PRKCE: variants seen among roughly 807,000 people sequenced by gnomAD.
The protein encoded by PRKCE is protein kinase C epsilon, also known as protein kinase C epsilon type.
A neutral mutation model predicts 85.4 loss-of-function variants in PRKCE; 16 were observed. That is an observed-to-expected ratio of 0.19 (90% CI 0.13 to 0.28). The LOEUF is 0.28. Ranked by LOEUF, PRKCE falls within the 10% of genes least tolerant of loss-of-function variation. The probability of loss-of-function intolerance (pLI) is 1.00; values close to 1 mark genes in which losing one functional copy is unlikely to be tolerated. For missense variants in PRKCE, 573 were observed against 975.2 expected, an observed-to-expected ratio of 0.59 and a Z score of 5.49; for synonymous variants, 388 against 371.5, an observed-to-expected ratio of 1.04 and a Z score of -0.51.
chr2:45,994,017 G>C (rs947458729), intron 6 of PRKCE, among the ~76,000 whole-genome samples: 1 of 152,006 alleles, frequency 6.6e-6, no homozygotes, highest in African/African-American at 2.4e-5. Context: ...GGTCTGGGGG[G>C]GCTCTCTCCA....
intron 10 of PRKCE, among the ~76,000 whole-genome samples, chr2:46,013,500 A>G (rs570368736): frequency 1.3e-4 from 20 of 152,288 alleles, no homozygotes; most frequent in African/African-American, 4.8e-4. Flanking sequence ...TTTGAAAGGT[A>G]GAGAGGATTT....
rs889167322 is a variant in PRKCE at position 46,166,228 on chromosome 2, C to T, written c.2067+6476C>T. On this transcript the variant is annotated intron_variant, in intron 14 of 14. Transcript: ENST00000306156. ...AGCCCTGTTGAACAGGCAGCCCCTTCCCCTGAAGCCAGCCCACCTGCCTAG... is the reference window on the plus strand; with the variant it reads ...AGCCCTGTTGAACAGGCAGCCCCTTTCCCTGAAGCCAGCCCACCTGCCTAG... 3.9e-4 allele frequency among the ~76,000 whole-genome samples: 59 copies of T among 152,348 alleles called. 1 individual carries two copies. The highest frequency in any genetic ancestry group is 7.5e-4 in the African/African-American group (31 of 41,590).
intron 10 of PRKCE, among the ~76,000 whole-genome samples, chr2:46,042,983 G>A (rs1249019622): frequency 6.6e-6 from 1 of 152,174 alleles, no homozygotes; most frequent in Non-Finnish European, 1.5e-5. Context: ...TAGAATTGTG[G>A]TAGTTTCCTG....
intron 2 of PRKCE, among the ~76,000 whole-genome samples, chr2:45,904,271 A>T (rs1360563097): frequency 1.3e-5 from 2 of 152,208 alleles, no homozygotes; most frequent in Non-Finnish European, 2.9e-5. Context: ...ACAGTTTCTT[A>T]GAAAGAAGCC....
chr2:45,716,444 G>A (rs1489338358), intron 1 of PRKCE, among the ~76,000 whole-genome samples: 1 of 152,002 alleles, frequency 6.6e-6, no homozygotes, highest in East Asian at 1.9e-4. Context: ...TTGAACTTAG[G>A]AAGCAGAAGT....
rs143463420 is a variant in PRKCE, at chr2:45,838,641, C to G, written c.349-4359C>G. Reference sequence around the variant, plus strand: ...TACCTTAGTTAAAAAAAAATGTTTTCAGAGACAGGATCTCACTTGTCACCC... The same window carrying G: ...TACCTTAGTTAAAAAAAAATGTTTTGAGAGACAGGATCTCACTTGTCACCC... On this transcript the variant is annotated intron_variant, in intron 1 of 14. Coordinates refer to ENST00000306156, the MANE Select transcript of PRKCE (RefSeq NM_005400.3). Among the ~76,000 whole-genome samples the G allele has an allele frequency of 1.6e-3, 236 of 152,148 alleles. 2 individuals are homozygous for G. Among genetic ancestry groups the G allele is most frequent in the Middle Eastern group, 0.014 (4 of 294 alleles).
intron 11 of PRKCE, among the ~76,000 whole-genome samples, chr2:46,093,634 T>G (rs114882377): frequency 0.01 from 1,582 of 151,796 alleles, 32 homozygotes; most frequent in African/African-American, 0.036. Flanking sequence ...ATTTGAGCAA[T>G]CCTCTCACCT....
At chr2:46,036,757 C>T (rs1029105587) in intron 10 of PRKCE, among the ~76,000 whole-genome samples, 2 of 152,124 alleles carry the variant, frequency 1.3e-5, no homozygotes, top group East Asian at 1.9e-4. Context: ...GAGAAGGACA[C>T]TGCAAGCCCG....
At chr2:46,043,908 T>TGCC (rs1558387632) in intron 10 of PRKCE, among the ~76,000 whole-genome samples, 2 of 152,236 alleles carry the variant, frequency 1.3e-5, no homozygotes, top group East Asian at 1.9e-4. Context: ...TCAAAGCGGA[T>TGCC]GCCGAATTCT....
Position 45,928,380 on chromosome 2 carries a change from G to C in PRKCE, c.413-48049G>C, listed in dbSNP as rs181871207. Reference sequence around the variant, plus strand: ...CCTCGCGGGTTGAAGCAATTCTCATGCCTCAGCTTCCCGAGTAGCTGGGAT... The same window carrying C: ...CCTCGCGGGTTGAAGCAATTCTCATCCCTCAGCTTCCCGAGTAGCTGGGAT... On this transcript the variant is annotated intron_variant, in intron 2 of 14. Coordinates refer to ENST00000306156, the MANE Select transcript of PRKCE (RefSeq NM_005400.3). Among the ~76,000 whole-genome samples the C allele has an allele frequency of 1.3e-3, 198 of 152,350 alleles. 1 individual carries two copies. The highest frequency in any genetic ancestry group is 4.5e-3 in the African/African-American group (187 of 41,574).
chr2:45,823,474 CAG>C, intron 1 of PRKCE, among the ~76,000 whole-genome samples: 1 of 152,200 alleles, frequency 6.6e-6, no homozygotes, highest in Non-Finnish European at 1.5e-5. Context: ...ATTAAAGAAT[CAG>C]AGAGTGACTT....
chr2:46,150,546 A>G (rs1676521412), intron 12 of PRKCE, among the ~76,000 whole-genome samples: 1 of 152,216 alleles, frequency 6.6e-6, no homozygotes, highest in South Asian at 2.1e-4. Context: ...CCAGGAGCAC[A>G]GGGCTCAGGT....
At chr2:45,880,454 G>C (rs535519013) in intron 2 of PRKCE, among the ~76,000 whole-genome samples, 1 of 152,274 alleles carries the variant, frequency 6.6e-6, no homozygotes, top group African/African-American at 2.4e-5. Flanking sequence ...GACTCACTTT[G>C]AATGTCACCT....
chr2:46,119,372 T>G (rs1673094431), intron 11 of PRKCE, among the ~76,000 whole-genome samples: 1 of 152,188 alleles, frequency 6.6e-6, no homozygotes, highest in Non-Finnish European at 1.5e-5. Context: ...GGGCATTCTT[T>G]ACTCTAGCTA....
intron 10 of PRKCE, among the ~76,000 whole-genome samples, chr2:46,024,324 C>A (rs1574264167): frequency 7.2e-6 from 1 of 138,706 alleles, no homozygotes; most frequent in South Asian, 2.2e-4. Flanking sequence ...TTTTTTTTTG[C>A]AGAGGCAATA....
chr2:45,893,261 G>A (rs868359717), intron 2 of PRKCE, among the ~76,000 whole-genome samples: 6 of 152,138 alleles, frequency 3.9e-5, no homozygotes, highest in Non-Finnish European at 8.8e-5. Context: ...ACTGCAGTCC[G>A]GCAGGGTCAA....
chr2:45,977,481 A>C (rs1344469276), intron 3 of PRKCE, among the ~76,000 whole-genome samples: 1 of 152,028 alleles, frequency 6.6e-6, no homozygotes, highest in Non-Finnish European at 1.5e-5. Flanking sequence ...TACTAAAAAT[A>C]CAAAAATTAG....
intron 6 of PRKCE, among the ~76,000 whole-genome samples, chr2:45,995,441 A>T (rs1254240349): frequency 6.6e-6 from 1 of 152,118 alleles, no homozygotes; most frequent in African/African-American, 2.4e-5. Context: ...AAGGTTACCT[A>T]TATTTTCTTC....
intron 10 of PRKCE, among the ~76,000 whole-genome samples, chr2:46,028,915 G>A (rs1707321548): frequency 6.6e-6 from 1 of 152,130 alleles, no homozygotes; most frequent in African/African-American, 2.4e-5. Context: ...GTGGTATTTG[G>A]TTTTCTGTTC....
Sources: gnomAD v4.1 joint callset for allele counts (sites outside exome capture counted in the v4.1 genomes callset) on GRCh38, gnomAD v4.1.1 for gene constraint, MANE v1.5 for transcripts, NCBI Gene and HGNC (gene_info 2026-07-23, HGNC 2026-07-21) for gene names.